SOX5: variants seen among roughly 807,000 people sequenced by gnomAD.
SOX5 encodes SRY-box transcription factor 5.
A neutral mutation model predicts 92.0 loss-of-function variants in SOX5; 9 were observed. That is an observed-to-expected ratio of 0.10 (90% confidence interval 0.06 to 0.17). SOX5 has a LOEUF of 0.17. Ranked by LOEUF, SOX5 falls within the 10% of genes least tolerant of loss-of-function variation. The probability of loss-of-function intolerance (pLI) is 1.00; values close to 1 mark genes in which losing one functional copy is unlikely to be tolerated. For missense variants in SOX5, 642 were observed against 944.5 expected (o/e 0.68, Z 4.20); for synonymous variants, 344 against 336.3 (o/e 1.02, Z -0.25).
intron 1 of SOX5, among the ~76,000 whole-genome samples, chr12:24,485,590 C>T (rs529704963): frequency 6.6e-6 from 1 of 152,194 alleles, no homozygotes; most frequent in East Asian, 1.9e-4. Flanking sequence ...AAGTACCCTT[C>T]CCATTTGTTG....
chr12:23,821,457 C>T (rs2096115087), intron 3 of SOX5, among the ~76,000 whole-genome samples: 1 of 152,186 alleles, frequency 6.6e-6, no homozygotes, highest in Non-Finnish European at 1.5e-5. Flanking sequence ...ACTTCCAACA[C>T]TATGTTGAAT....
At chr12:24,441,520 T>C (rs1940580927) in intron 1 of SOX5, among the ~76,000 whole-genome samples, 1 of 152,196 alleles carries the variant, frequency 6.6e-6, no homozygotes, top group Non-Finnish European at 1.5e-5. Context: ...AGCTTGCTTT[T>C]AGCACCTTTT....
At chr12:24,204,137 C>T (rs1198914102) in intron 4 of SOX5, among the ~76,000 whole-genome samples, 1 of 152,024 alleles carries the variant, frequency 6.6e-6, no homozygotes, top group East Asian at 1.9e-4. Flanking sequence ...TTCTTGGTTC[C>T]AATTAGCAGA....
intron 2 of SOX5, among the ~76,000 whole-genome samples, chr12:24,307,809 A>T (rs960108098): frequency 2.2e-4 from 34 of 151,326 alleles, no homozygotes; most frequent in South Asian, 2.1e-4. Context: ...GGAAGGAAGG[A>T]AGTTAGTTTG....
chr12:24,035,694 A>G (rs1955961721), intron 4 of SOX5, among the ~76,000 whole-genome samples: 1 of 152,158 alleles, frequency 6.6e-6, no homozygotes, highest in African/African-American at 2.4e-5. Context: ...TTAATAAAAT[A>G]AAGAAAAACA....
chr12:23,584,475 T>C, intron 9 of SOX5: 2 of 1,097,448 alleles, frequency 1.8e-6, no homozygotes, highest in Non-Finnish European at 2.8e-6. Context: ...ATAGAAAGCA[T>C]CATTATGCAT....
intron 1 of SOX5, among the ~76,000 whole-genome samples, chr12:24,561,215 C>T (rs1597959887): frequency 6.6e-6 from 1 of 152,174 alleles, no homozygotes; most frequent in Non-Finnish European, 1.5e-5. Flanking sequence ...TGCCTGGCAC[C>T]GAGTGTAGGG....
intron 7 of SOX5, 44 bp from the exon 8 acceptor site, chr12:23,640,941 C>T (rs1485150821): frequency 7.8e-7 from 1 of 1,288,718 alleles, no homozygotes; most frequent in African/African-American, 1.5e-5. Context: ...TTTATCTACT[C>T]TCCACCTGCA....
intron 9 of SOX5, among the ~76,000 whole-genome samples, chr12:23,600,421 A>T (rs2074286546): frequency 6.6e-6 from 1 of 150,862 alleles, no homozygotes. Context: ...GAGTATTTAG[A>T]AAAATTTTAT....
Position 23,771,616 on chromosome 12 carries a change from A to T in SOX5, c.482-15892T>A, listed in dbSNP as rs544876870. Among the ~76,000 whole-genome samples the T allele has an allele frequency of 2.5e-4, 38 of 152,336 alleles. 1 individual carries two copies. Among genetic ancestry groups the T allele is most frequent in the African/African-American group, 9.1e-4 (38 of 41,584 alleles). ...TTTATCCTTTTCCAGATATAGTGTC[A>T]TATCTCCCCTTGTGCTCCATTTACA... On this transcript the variant is annotated intron_variant, in intron 3 of 14. Coordinates refer to ENST00000451604, the MANE Select transcript of SOX5 (RefSeq NM_006940.6).
chr12:24,532,293 A>G (rs1301981104), intron 1 of SOX5, among the ~76,000 whole-genome samples: 1 of 152,202 alleles, frequency 6.6e-6, no homozygotes, highest in East Asian at 1.9e-4. Context: ...ACTACTTGGA[A>G]TCCAATCCAG....
intron 6 of SOX5, among the ~76,000 whole-genome samples, chr12:23,732,429 T>C (rs887729274): frequency 6.6e-6 from 1 of 151,978 alleles, no homozygotes; most frequent in Non-Finnish European, 1.5e-5. Flanking sequence ...ATTGACAAAA[T>C]ATATTTCAGA....
intron 1 of SOX5, among the ~76,000 whole-genome samples, chr12:24,453,165 G>C (rs927977960): frequency 2.6e-5 from 4 of 152,082 alleles, no homozygotes; most frequent in African/African-American, 9.6e-5. Context: ...TAAAACTACT[G>C]GTGGACAACC....
At chr12:24,416,928 C>A (rs1322919384) in intron 1 of SOX5, among the ~76,000 whole-genome samples, 1 of 152,168 alleles carries the variant, frequency 6.6e-6, no homozygotes, top group Non-Finnish European at 1.5e-5. Context: ...TGCTGCTTGA[C>A]TTTCAGACTT....
chr12:23,822,713 G>T (rs981867089), intron 3 of SOX5, among the ~76,000 whole-genome samples: 1 of 152,034 alleles, frequency 6.6e-6, no homozygotes, highest in East Asian at 1.9e-4. Context: ...TTGACAGTGG[G>T]GTGCTAAAGT....
At chr12:24,470,425 G>A (rs1221442990) in intron 1 of SOX5, among the ~76,000 whole-genome samples, 1 of 152,164 alleles carries the variant, frequency 6.6e-6, no homozygotes, top group Non-Finnish European at 1.5e-5. Context: ...GTTCAACGGT[G>A]AGGACAGATT....
At chr12:23,578,747 T>A (rs1005800761) in intron 9 of SOX5, among the ~76,000 whole-genome samples, 1 of 152,116 alleles carries the variant, frequency 6.6e-6, no homozygotes. Flanking sequence ...ACTACCCAGC[T>A]GTAAATATTC....
chr12:23,790,548 T>TCTCTCTCTCACA (rs1340837266), intron 3 of SOX5, among the ~76,000 whole-genome samples: 47 of 137,390 alleles, frequency 3.4e-4, no homozygotes, highest in African/African-American at 1.3e-3. Flanking sequence ...TCTCAATCTC[T>TCTCTCTCTCACA]CACACACACA....
chr12:23,853,447 T>C (rs577589178), intron 2 of SOX5, among the ~76,000 whole-genome samples: 19 of 152,058 alleles, frequency 1.2e-4, no homozygotes, highest in Middle Eastern at 3.4e-3. Context: ...GGGCAAATTT[T>C]CTGATTATCA....
Sources: gnomAD v4.1 joint callset for allele counts (sites outside exome capture counted in the v4.1 genomes callset) on GRCh38, gnomAD v4.1.1 for gene constraint, MANE v1.5 for transcripts, NCBI Gene and HGNC (gene_info 2026-07-23, HGNC 2026-07-21) for gene names.